The following SHANK2 variants were observed in gnomAD, a reference collection of about 807,000 sequenced individuals.
SHANK2 encodes SH3 and multiple ankyrin repeat domains 2.
Under a neutral mutation model 133.7 loss-of-function variants are expected in SHANK2, and 43 were observed. The observed-to-expected ratio is 0.32, with a 90% CI of 0.25 to 0.41. The LOEUF (loss-of-function observed/expected upper bound fraction) is 0.41. Ranked by LOEUF, SHANK2 falls within the 10% of genes least tolerant of loss-of-function variation. The pLI, the probability that SHANK2 is intolerant of heterozygous loss-of-function variation, is 1.00. For missense variants in SHANK2, 1,994 were observed against 2,235.8 expected, an observed-to-expected ratio of 0.89 and a Z score of 2.18; for synonymous variants, 1,017 against 952.8, an observed-to-expected ratio of 1.07 and a Z score of -1.24.
At position 70,703,429 on chromosome 11, in the gene SHANK2, G is replaced by A. The variant is rs546660966; in HGVS notation, c.1778-4666C>T. 3.3e-5 allele frequency among the ~76,000 whole-genome samples: 5 copies of A among 152,276 alleles called. No homozygotes were observed. The South Asian group carries it at 8.3e-4, about 25-fold the overall frequency. Reference sequence around the variant, plus strand: ...CTGTGGAGGTGCCCTCAGCAGCCTCGGTTTCTAACCTGGAAAAAGCGGGGT... The same window carrying A: ...CTGTGGAGGTGCCCTCAGCAGCCTCAGTTTCTAACCTGGAAAAAGCGGGGT... On this transcript the variant is annotated intron_variant, in intron 14 of 25. Coordinates refer to ENST00000601538, the MANE Select transcript of SHANK2 (RefSeq NM_012309.5).
At position 70,642,824 on chromosome 11, in the gene SHANK2, G is replaced by A. The variant is rs1183188497; in HGVS notation, c.2061+17004C>T. Among the ~76,000 whole-genome samples, 9 of 152,278 alleles carry A rather than the reference G, an allele frequency of 5.9e-5. No homozygotes were observed. In the East Asian group the frequency reaches 1.2e-3, roughly 20 times the overall value. ...TTGAGAGCCATAATTTCACCAGCTC[G>A]TTTATTTCTAATTAGATAAAGAATA... On this transcript the variant is annotated intron_variant, in intron 17 of 25. Transcript: ENST00000601538.
chr11:70,797,828 C>CA (rs1555049486), intron 14 of SHANK2, among the ~76,000 whole-genome samples: 14 of 121,876 alleles, frequency 1.1e-4, no homozygotes, highest in African/African-American at 4.6e-4. Flanking sequence ...TTCCTCCACT[C>CA]TCATACACAC....
chr11:70,514,494 A>T (rs911102159), intron 17 of SHANK2, among the ~76,000 whole-genome samples: 24 of 152,236 alleles, frequency 1.6e-4, no homozygotes, highest in African/African-American at 5.8e-4. Flanking sequence ...TTAAAAGCAG[A>T]TATCACTGTT....
At chr11:70,632,040 T>C (rs1376051295) in intron 17 of SHANK2, 1 of 152,240 alleles carries the variant, frequency 6.6e-6, no homozygotes. Flanking sequence ...AAAGGTTCAC[T>C]CTGTTCTGGG....
chr11:70,555,539 A>C (rs1453076167), intron 17 of SHANK2, among the ~76,000 whole-genome samples: 1 of 152,232 alleles, frequency 6.6e-6, no homozygotes, highest in African/African-American at 2.4e-5. Flanking sequence ...TGAGCCCTCG[A>C]GTTTGAGACC....
Position 71,092,476 on chromosome 11 carries a change from G to C in SHANK2, c.858C>G (p.His286Gln), listed in dbSNP as rs782463740. The C allele has an allele frequency of 3.9e-6, 6 of 1,551,570 alleles. No individual in the cohort carries two copies. Among genetic ancestry groups the C allele is most frequent in the Admixed American group, 2.0e-5 (1 of 50,970 alleles). Reference sequence around the variant, plus strand: ...CTTTGCAGCACACAGTGGCGTGTTCGTGCAGGAGAAGCTCGCAGCAGTAGG... The same window carrying C: ...CTTTGCAGCACACAGTGGCGTGTTCCTGCAGGAGAAGCTCGCAGCAGTAGG... ...GDPYCCELLL[H>Q]EHATVCCKDE... is the part of the protein sequence containing the mutation. Residue 286 changes from histidine to glutamine, a missense_variant, in exon 8 of 26, where the codon CAC (histidine) becomes CAG (glutamine). Transcript: ENST00000601538.
At chr11:71,134,813 G>A (rs1952406952) in intron 3 of SHANK2, among the ~76,000 whole-genome samples, 1 of 152,080 alleles carries the variant, frequency 6.6e-6, no homozygotes, top group African/African-American at 2.4e-5. Flanking sequence ...GCGTCTGTGG[G>A]TCTCCAGCTT....
chr11:70,929,795 C>A (rs781965074), intron 10 of SHANK2, among the ~76,000 whole-genome samples: 31 of 152,210 alleles, frequency 2.0e-4, no homozygotes, highest in Non-Finnish European at 3.8e-4. Flanking sequence ...GATTAGGATG[C>A]AGACATGTTT....
At chr11:70,503,640 G>A (rs1330741581) in intron 17 of SHANK2, among the ~76,000 whole-genome samples, 1 of 152,214 alleles carries the variant, frequency 6.6e-6, no homozygotes, top group Non-Finnish European at 1.5e-5. Flanking sequence ...TGCAGTTGAG[G>A]AACTCTTAGG....
chr11:71,090,022 T>G, intron 8 of SHANK2, among the ~76,000 whole-genome samples: 1 of 152,322 alleles, frequency 6.6e-6, no homozygotes, highest in East Asian at 1.9e-4. Flanking sequence ...CCGAGTGCTG[T>G]GCAAGAATTC....
rs1591486715 is a variant in SHANK2 at position 70,485,715 on chromosome 11, A to G, written c.4578T>C (p.Asn1526=). The G allele has an allele frequency of 1.9e-6, 3 of 1,614,036 alleles. No homozygotes were observed. The highest frequency in any genetic ancestry group is 2.2e-5 in the East Asian group (1 of 44,876). Residue 1526 remains asparagine (N), a synonymous_variant, in exon 25 of 26, where the codon AAT becomes AAC. Transcript: ENST00000601538. The surrounding 1 kb of genome is among the most constrained non-coding windows in gnomAD (Gnocchi z 5.8). ...ISTLSSEGGE[N]VDTCTVYADG... is the part of the protein sequence containing the mutation. The stretch of plus-strand genomic sequence containing the variant: ...CTGCATAGACTGTGCAGGTGTCCAC[A>G]TTCTCTCCACCTTCGGAAGACAGGG...
intron 17 of SHANK2, among the ~76,000 whole-genome samples, chr11:70,642,042 G>A (rs2061190897): frequency 6.6e-6 from 1 of 152,236 alleles, no homozygotes; most frequent in South Asian, 2.1e-4. Context: ...ACGGGGGACT[G>A]GGTACCAGGA....
chr11:70,699,733 T>C (rs1162807187), intron 14 of SHANK2, among the ~76,000 whole-genome samples: 1 of 152,238 alleles, frequency 6.6e-6, no homozygotes, highest in African/African-American at 2.4e-5. Context: ...GGCAGCCAGC[T>C]GTTCACCAAA....
chr11:70,743,945 T>C (rs1946585895), intron 14 of SHANK2, among the ~76,000 whole-genome samples: 1 of 152,170 alleles, frequency 6.6e-6, no homozygotes, highest in Non-Finnish European at 1.5e-5. Flanking sequence ...CCCCGTCCAC[T>C]GCACCTCCTT....
In SHANK2 at chr11:71,146,199, G is replaced by A. The variant is rs557000381; in HGVS notation, c.207+921C>T. 9.1e-4 allele frequency among the ~76,000 whole-genome samples: 138 copies of A among 152,320 alleles called. 1 individual carries two copies. The highest frequency in any genetic ancestry group is 3.2e-3 in the African/African-American group (133 of 41,582). ...GCTTCCAGCTCTGTCCCACATCTCC[G>A]ATTTGAGGCCACATGTGGCACAGTC... On this transcript the variant is annotated intron_variant, in intron 3 of 25. Coordinates refer to ENST00000601538, the MANE Select transcript of SHANK2 (RefSeq NM_012309.5).
At chr11:70,674,603 C>T (rs576573012) in intron 15 of SHANK2, among the ~76,000 whole-genome samples, 20 of 152,340 alleles carry the variant, frequency 1.3e-4, no homozygotes, top group African/African-American at 4.1e-4. Flanking sequence ...CCTGCCTCGG[C>T]CTCCCAAAGT....
intron 11 of SHANK2, among the ~76,000 whole-genome samples, chr11:70,872,668 G>A (rs1949488599): frequency 6.6e-6 from 1 of 152,038 alleles, no homozygotes; most frequent in Non-Finnish European, 1.5e-5. Context: ...ATGGGTCCCT[G>A]GACCACATTA....
At chr11:70,561,559 T>C (rs1470447630) in intron 17 of SHANK2, among the ~76,000 whole-genome samples, 2 of 151,746 alleles carry the variant, frequency 1.3e-5, no homozygotes, top group East Asian at 3.9e-4. Context: ...GACAGGGTCT[T>C]ACTCTGTTGC....
At chr11:70,495,984 T>A (rs1288101693) in intron 21 of SHANK2, 1 of 153,604 alleles carries the variant, frequency 6.5e-6, no homozygotes, top group Non-Finnish European at 1.5e-5. Flanking sequence ...CAGGCCTGAC[T>A]TCCAGGCTAT....
Sources: allele counts gnomAD v4.1 joint callset (sites outside exome capture counted in the v4.1 genomes callset), GRCh38; gene constraint gnomAD v4.1.1; non-coding constraint Gnocchi (gnomAD v3.1); transcripts MANE v1.5; gene names NCBI Gene and HGNC (gene_info 2026-07-23, HGNC 2026-07-21).